The following LHX2 variants were observed in gnomAD, a reference collection of about 807,000 sequenced individuals.
LHX2 encodes LIM homeobox 2, also known as LIM/homeobox protein Lhx2.
In LHX2, 6 loss-of-function variants were observed where a neutral mutation model predicts 33.0. That is an observed-to-expected ratio of 0.18 (90% CI 0.10 to 0.36). The LOEUF (loss-of-function observed/expected upper bound fraction) is 0.36. Among genes scored for constraint, LHX2 ranks in the 10% least tolerant of loss-of-function variants. LHX2 has a pLI of 1.00. For synonymous variants in LHX2, 292 were observed against 253.1 expected, an observed-to-expected ratio of 1.15 and a Z score of -1.46; for missense variants, 442 against 586.2, an observed-to-expected ratio of 0.75 and a Z score of 2.54.
rs1283895078 is a variant in LHX2 at position 124,016,324 on chromosome 9, C to A, written c.727+799C>A. ...CGGAGAAGCTCTGCCCCCTCCCGCG[C>A]CCCTCCCTGCTCAGGACAGCTGCAG... is the stretch of plus-strand genomic sequence containing the variant. On this transcript the variant is annotated intron_variant, in intron 3 of 4. Transcript: ENST00000373615. This position sits in a 1 kb window ranked among gnomAD's most constrained non-coding sequence, Gnocchi z 4.4. 6.6e-6 allele frequency among the ~76,000 whole-genome samples: 1 copy of A among 152,196 alleles called. No homozygotes were observed. Among genetic ancestry groups the A allele is most frequent in the Non-Finnish European group, 1.5e-5 (1 of 68,034 alleles).
chr9:124,015,497 C>T lies in LHX2; in HGVS notation c.699C>T (p.Pro233=), dbSNP rs376893872. Residue 233 remains proline, a synonymous_variant, in exon 3 of 5, where the codon CCC becomes CCT. Coordinates refer to ENST00000373615, the MANE Select transcript of LHX2 (RefSeq NM_004789.4). The surrounding 1 kb of genome is among the most constrained non-coding windows in gnomAD (Gnocchi z 7.9). ...CGAGGAAACGTAAGAGCCCGGGCCC[C>T]GGTGCGGATCTGGCGGCCTACAACG... is the stretch of plus-strand genomic sequence containing the variant. ...GRPRKRKSPG[P]GADLAAYNAA... is the part of the protein sequence containing the mutation. 2 of 1,472,718 alleles carry T rather than the reference C, an allele frequency of 1.4e-6. No homozygotes were observed. The highest frequency in any genetic ancestry group is 1.8e-6 in the Non-Finnish European group (2 of 1,112,016). The allele number at this position is 1,472,718 out of a possible 1,614,324, so 91.2% of individuals were successfully genotyped here.
chr9:124,030,998 C>T (rs1004997482), intron 4 of LHX2, among the ~76,000 whole-genome samples: 4 of 152,000 alleles, frequency 2.6e-5, no homozygotes, highest in Admixed American at 6.6e-5. Flanking sequence ...TGGGAGTGGA[C>T]GCGTGTGTGT....
At position 124,033,251 on chromosome 9, in the gene LHX2, A is replaced by G. The variant is rs780557871; in HGVS notation, c.*544A>G. ...AATTTTAAGGTGGAAGTCTGTTCGA[A>G]TATCAGAATTTGTAAAATCTAACCA... On this transcript the variant is annotated 3_prime_UTR_variant, in exon 5 of 5. Transcript: ENST00000373615. 1 of 152,256 alleles carries G rather than the reference A, an allele frequency of 6.6e-6. No individual in the cohort carries two copies. Among genetic ancestry groups the G allele is most frequent in the African/African-American group, 2.4e-5 (1 of 41,456 alleles). The allele number at this position is 152,256 out of a possible 1,614,324, so 9.4% of individuals were successfully genotyped here.
chr9:124,021,642 C>A (rs1433332915), intron 4 of LHX2, among the ~76,000 whole-genome samples: 10 of 152,356 alleles, frequency 6.6e-5, no homozygotes, highest in Non-Finnish European at 2.9e-5. Flanking sequence ...ATTTTACACA[C>A]ATTCACATCA....
intron 4 of LHX2, among the ~76,000 whole-genome samples, chr9:124,023,275 A>C (rs1859325828): frequency 6.6e-6 from 1 of 152,228 alleles, no homozygotes; most frequent in Non-Finnish European, 1.5e-5. Context: ...TTTGGGTTAC[A>C]CATAAAATAC....
chr9:124,020,196 C>G (rs1859268034), intron 3 of LHX2, among the ~76,000 whole-genome samples: 2 of 152,178 alleles, frequency 1.3e-5, no homozygotes, highest in South Asian at 4.1e-4. Context: ...ATAGCCACCT[C>G]TCTGAGAGGT....
At position 124,014,038 on chromosome 9, in the gene LHX2, G is replaced by T; in HGVS notation, c.198G>T (p.Leu66=). The change falls in exon 2 of 5, where the codon CTG becomes CTT. Residue 66 remains leucine (L), a synonymous_variant. Coordinates refer to ENST00000373615, the MANE Select transcript of LHX2 (RefSeq NM_004789.4). The surrounding 1 kb of genome is among the most constrained non-coding windows in gnomAD (Gnocchi z 4.8). ...GCAAGATCTCGGACCGCTACTACCTGCTGGCGGTGGACAAGCAGTGGCACA... is the reference window on the plus strand; with the variant it reads ...GCAAGATCTCGGACCGCTACTACCTTCTGGCGGTGGACAAGCAGTGGCACA... The part of the protein sequence containing the change: ...CGGKISDRYY[L]LAVDKQWHMR... 6.2e-7 allele frequency: 1 copy of T among 1,613,652 alleles called. No individual in the cohort carries two copies. The highest frequency in any genetic ancestry group is 2.2e-5 in the East Asian group (1 of 44,892).
chr9:124,030,069 C>A (rs569952512), intron 4 of LHX2, among the ~76,000 whole-genome samples: 1 of 152,354 alleles, frequency 6.6e-6, no homozygotes, highest in South Asian at 2.1e-4. Flanking sequence ...GGGCGGAGAG[C>A]CAGGGAAAAT....
At chr9:124,029,115 AAAT>A (rs371060108) in intron 4 of LHX2, among the ~76,000 whole-genome samples, 27 of 151,270 alleles carry the variant, frequency 1.8e-4, no homozygotes, top group East Asian at 5.8e-4. Flanking sequence ...CTGTCTCAAA[AAAT>A]AATAATAATA....
rs66776004 is a variant in LHX2, at chr9:124,032,363, C to CGG, written c.934-52_934-51dup. The CGG allele has an allele frequency of 4.0e-4, 603 of 1,517,470 alleles. 1 individual carries two copies. The African/African-American group carries it at 6.6e-3, about 17-fold the overall frequency. The allele number at this position is 1,517,470 out of a possible 1,614,324, so 94.0% of individuals were successfully genotyped here. On this transcript the variant is annotated intron_variant, in intron 4 of 4. Coordinates refer to ENST00000373615, the MANE Select transcript of LHX2 (RefSeq NM_004789.4). The surrounding 1 kb of genome is among the most constrained non-coding windows in gnomAD (Gnocchi z 4.1). Reference sequence around the variant, plus strand: ...GCAGCAGAGCTCTGAGTGAAGCAGTCGGGGGGATGCTCTGCCTGCCTTCCG... The same window carrying CGG: ...GCAGCAGAGCTCTGAGTGAAGCAGTCGGGGGGGGATGCTCTGCCTGCCTTCCG...
Position 124,015,421 on chromosome 9 carries a change from C to G in LHX2, c.623C>G (p.Pro208Arg). The stretch of plus-strand genomic sequence containing the variant: ...GGGCTGGGCGCAGCAGGGGCCAACC[C>G]TCTGGGTCTTCCCTACTACAATGGC... ...SAGLGAAGAN[P>R]LGLPYYNGVG... Residue 208 changes from proline (P) to arginine (R), a missense_variant, in exon 3 of 5, where the codon CCT becomes CGT. Transcript: ENST00000373615. This position sits in a 1 kb window ranked among gnomAD's most constrained non-coding sequence, Gnocchi z 7.9. 1 of 1,599,532 alleles carries G rather than the reference C, an allele frequency of 6.3e-7. No individual in the cohort carries two copies. Among genetic ancestry groups the G allele is most frequent in the Non-Finnish European group, 8.5e-7 (1 of 1,173,022 alleles).
intron 3 of LHX2, among the ~76,000 whole-genome samples, chr9:124,018,563 C>T (rs1588347383): frequency 6.6e-6 from 1 of 152,162 alleles, no homozygotes; most frequent in East Asian, 1.9e-4. Context: ...ATAACGGCTT[C>T]GGAAAAGGCC....
At position 124,015,233 on chromosome 9, in the gene LHX2, G is replaced by T. The variant is rs1355662431; in HGVS notation, c.435G>T (p.Thr145=). ...ACCTCAACTGCTTCACGTGCACCAC[G>T]TGTAACAAGATGCTGACCACGGGCG... ...VYHLNCFTCT[T]CNKMLTTGDH... Residue 145 remains threonine, a synonymous_variant, in exon 3 of 5, where the codon ACG becomes ACT. Coordinates refer to ENST00000373615, the MANE Select transcript of LHX2 (RefSeq NM_004789.4). This position sits in a 1 kb window ranked among gnomAD's most constrained non-coding sequence, Gnocchi z 7.9. 6.2e-7 allele frequency: 1 copy of T among 1,614,076 alleles called. No individual in the cohort carries two copies. Among genetic ancestry groups the T allele is most frequent in the East Asian group, 2.2e-5 (1 of 44,900 alleles).
chr9:124,015,299 G>C lies in LHX2; in HGVS notation c.501G>C (p.Leu167Phe). ...AGGACAGCCTGGTCTACTGCCGCTT[G>C]CACTTCGAGGCGCTGCTGCAGGGCG... ...GMKDSLVYCR[L>F]HFEALLQGEY... The change falls in exon 3 of 5, where the codon TTG (leucine) becomes TTC (phenylalanine). Residue 167 changes from leucine (L) to phenylalanine (F), a missense_variant. By Grantham distance (22) the Leu-to-Phe change is conservative (BLOSUM62 0). This residue lies in a region of LHX2 where 72 missense variants were observed against 171.6 expected (regional missense o/e 0.42). Transcript: ENST00000373615. The surrounding 1 kb of genome is among the most constrained non-coding windows in gnomAD (Gnocchi z 7.9). 1 of 1,614,074 alleles carries C rather than the reference G, an allele frequency of 6.2e-7. No individual in the cohort carries two copies.
rs1564548545 is a variant in LHX2 at position 124,015,050 on chromosome 9, G to C, written c.324-72G>C. On this transcript the variant is annotated intron_variant, in intron 2 of 4. Transcript: ENST00000373615. The surrounding 1 kb of genome is among the most constrained non-coding windows in gnomAD (Gnocchi z 7.9). Reference sequence around the variant, plus strand: ...GGGGATTGCCCCCCGCAGCAGCAGCGGCACCTGGAGGAGGAAAAGGGGGGT... The same window carrying C: ...GGGGATTGCCCCCCGCAGCAGCAGCCGCACCTGGAGGAGGAAAAGGGGGGT... 2 of 1,555,570 alleles carry C rather than the reference G, an allele frequency of 1.3e-6. No homozygotes were observed. The highest frequency in any genetic ancestry group is 1.2e-5 in the South Asian group (1 of 86,378).
intron 3 of LHX2, among the ~76,000 whole-genome samples, chr9:124,019,489 A>C (rs1859254517): frequency 6.6e-6 from 1 of 152,192 alleles, no homozygotes; most frequent in Non-Finnish European, 1.5e-5. Flanking sequence ...TAACGAATAA[A>C]TTTGAAATTT....
At chr9:124,018,932 G>A (rs931244873) in intron 3 of LHX2, among the ~76,000 whole-genome samples, 1 of 152,184 alleles carries the variant, frequency 6.6e-6, no homozygotes, top group South Asian at 2.1e-4. Context: ...GCCCATGGGG[G>A]CGCCGGGGTC....
chr9:124,025,518 C>G (rs959926426), intron 4 of LHX2, among the ~76,000 whole-genome samples: 9 of 151,602 alleles, frequency 5.9e-5, no homozygotes, highest in Admixed American at 1.3e-4. Flanking sequence ...AGAAGTCTCT[C>G]TGAGTTGCTT....
Position 124,032,377 on chromosome 9 carries a change from G to A in LHX2, c.934-43G>A, listed in dbSNP as rs1588354224. On this transcript the variant is annotated intron_variant, in intron 4 of 4. Transcript: ENST00000373615. The surrounding 1 kb of genome is among the most constrained non-coding windows in gnomAD (Gnocchi z 4.1). ...AGTGAAGCAGTCGGGGGGATGCTCTGCCTGCCTTCCGCTCACCAGCCCTTC... is the reference window on the plus strand; with the variant it reads ...AGTGAAGCAGTCGGGGGGATGCTCTACCTGCCTTCCGCTCACCAGCCCTTC... 1 of 1,536,926 alleles carries A rather than the reference G, an allele frequency of 6.5e-7. No individual in the cohort carries two copies. Among genetic ancestry groups the A allele is most frequent in the Non-Finnish European group, 8.8e-7 (1 of 1,141,404 alleles).
Sources: allele counts gnomAD v4.1 joint callset (sites outside exome capture counted in the v4.1 genomes callset), GRCh38; gene constraint gnomAD v4.1.1; regional missense constraint gnomAD v4.1.1; non-coding constraint Gnocchi (gnomAD v3.1); transcripts MANE v1.5; gene names NCBI Gene and HGNC (gene_info 2026-07-23, HGNC 2026-07-21).